Variants in JAG1 observed in about 807,000 individuals in gnomAD.
JAG1 encodes protein jagged-1.
In JAG1, 23 loss-of-function variants were observed where a neutral mutation model predicts 148.7. The observed-to-expected ratio is 0.15, with a 90% CI of 0.11 to 0.22. JAG1 has a LOEUF of 0.22. Ranked by LOEUF, JAG1 falls within the 10% of genes least tolerant of loss-of-function variation. The pLI, the probability that JAG1 is intolerant of heterozygous loss-of-function variation, is 1.00. For missense variants in JAG1, 1,054 were observed against 1,611.2 expected (o/e 0.65, Z 5.92); for synonymous variants, 572 against 598.3 (o/e 0.96, Z 0.64).
rs905458683 is a variant in JAG1 at position 10,638,771 on chromosome 20, C to A, written c.*727G>T. ...AAGAGTTCAAAAAAATAAAGCCATA[C>A]GCTTACAATGCTATCAAAAACCTTC... On this transcript the variant is annotated 3_prime_UTR_variant, in exon 26 of 26. Coordinates refer to ENST00000254958, the MANE Select transcript of JAG1 (RefSeq NM_000214.3). The A allele has an allele frequency of 6.6e-6, 1 of 152,538 alleles. No homozygotes were observed. Among genetic ancestry groups the A allele is most frequent in the Non-Finnish European group, 1.5e-5 (1 of 68,024 alleles). 9.4% of individuals were successfully genotyped at this position (152,538 alleles called of 1,614,324 possible).
rs542464130 is a variant in JAG1 at position 10,653,844 on chromosome 20, G to A, written c.756-1246C>T. Among the ~76,000 whole-genome samples the A allele has an allele frequency of 1.6e-3, 238 of 152,208 alleles. 3 individuals are homozygous for A. Among genetic ancestry groups the A allele is most frequent in the African/African-American group, 5.6e-3 (231 of 41,524 alleles). On this transcript the variant is annotated intron_variant, in intron 5 of 25. Transcript: ENST00000254958. ...GGCTGAGAGTCAACTTAACCCCTGAGAATACTGACTAACCACTTCCTAACT... is the reference window on the plus strand; with the variant it reads ...GGCTGAGAGTCAACTTAACCCCTGAAAATACTGACTAACCACTTCCTAACT...
intron 5 of JAG1, among the ~76,000 whole-genome samples, chr20:10,654,381 CTCA>C (rs1455125404): frequency 6.6e-6 from 1 of 152,188 alleles, no homozygotes. Flanking sequence ...GATTAAGATT[CTCA>C]TGAGAAATTG....
Position 10,648,753 on chromosome 20 carries a change from A to G in JAG1, c.1396-31T>C, listed in dbSNP as rs532736459. ...AGAGGAGAAGGGGAGAGAGAGACAC[A>G]TGCTTTTTTTCTATGTATTCCACAA... On this transcript the variant is annotated intron_variant, in intron 11 of 25. Coordinates refer to ENST00000254958, the MANE Select transcript of JAG1 (RefSeq NM_000214.3). 1.0e-5 allele frequency: 16 copies of G among 1,606,144 alleles called. No homozygotes were observed. In the South Asian group the frequency reaches 1.8e-4, roughly 18 times the overall value.
intron 4 of JAG1, among the ~76,000 whole-genome samples, chr20:10,657,896 G>C (rs1465903729): frequency 6.6e-6 from 1 of 152,212 alleles, no homozygotes; most frequent in Non-Finnish European, 1.5e-5. Flanking sequence ...CTATAGGATA[G>C]CCTGTTCAGA....
At chr20:10,656,859 G>A (rs1270515940) in intron 4 of JAG1, among the ~76,000 whole-genome samples, 1 of 136,420 alleles carries the variant, frequency 7.3e-6, no homozygotes, top group Non-Finnish European at 1.5e-5. Flanking sequence ...ACATTCAGAT[G>A]AGCCTCAGCC....
Position 10,673,585 on chromosome 20 carries a change from T to G in JAG1, c.-55A>C. Reference sequence around the variant, plus strand: ...ACGCCGCCGCTGCTGTTCGCGCTGGTGCTGCCGCCGGTGCTGCCGTCGCCG... The same window carrying G: ...ACGCCGCCGCTGCTGTTCGCGCTGGGGCTGCCGCCGGTGCTGCCGTCGCCG... On this transcript the variant is annotated 5_prime_UTR_variant, in exon 1 of 26. Transcript: ENST00000254958. This position sits in a 1 kb window ranked among gnomAD's most constrained non-coding sequence, Gnocchi z 4.7. The G allele has an allele frequency of 9.4e-7, 1 of 1,063,554 alleles. No individual in the cohort carries two copies. The highest frequency in any genetic ancestry group is 1.2e-6 in the Non-Finnish European group (1 of 835,174). The allele number at this position is 1,063,554 out of a possible 1,614,324, so 65.9% of individuals were successfully genotyped here. A position where few individuals can be genotyped will look rare whatever the true frequency, so the allele number is the denominator to read the frequency against.
intron 2 of JAG1, 88 bp from the exon 3 acceptor site, chr20:10,664,102 C>T (rs1053302385): frequency 2.0e-6 from 2 of 989,200 alleles, no homozygotes; most frequent in African/African-American, 3.2e-5. Flanking sequence ...GAATACCCCA[C>T]CAAACAAAAC....
Position 10,648,127 on chromosome 20 carries a change from C to A in JAG1, c.1570-17G>T, listed in dbSNP as rs747037176. On this transcript the variant is annotated splice_polypyrimidine_tract_variant and intron_variant, in intron 12 of 25. Coordinates refer to ENST00000254958, the MANE Select transcript of JAG1 (RefSeq NM_000214.3). ...GATGTCCAGCTGCAAATATCAGGAA[C>A]AGCGAAAAGGGGGAGGGATCAGAGT... The A allele has an allele frequency of 5.6e-6, 9 of 1,614,010 alleles. No individual in the cohort carries two copies. The Admixed American group carries it at 1.3e-4, about 24-fold the overall frequency.
intron 14 of JAG1, among the ~76,000 whole-genome samples, chr20:10,646,623 A>G (rs1318052382): frequency 6.6e-6 from 1 of 151,914 alleles, no homozygotes; most frequent in African/African-American, 2.4e-5. Flanking sequence ...GACCAGCCTG[A>G]CCAACATGGG....
In JAG1 at chr20:10,656,431, T is replaced by C. The variant is rs1405610551; in HGVS notation, c.722A>G (p.Lys241Arg). Reference protein sequence around the residue: ...RAICRQGCSPKHGSCKLPGDC... With the variant: ...RAICRQGCSPRHGSCKLPGDC... ...ACCTGGGAGTTTGCAAGACCCATGC[T>C]TAGGACTGCAGCCTTGTCGGCAAAT... Residue 241 changes from lysine to arginine, a missense_variant, in exon 5 of 26, where the codon AAG becomes AGG. Around this residue, in one of 6 missense-constraint regions of JAG1, gnomAD observed 104 missense variants for 235.2 expected, o/e 0.44. Transcript: ENST00000254958. 2 of 1,613,946 alleles carry C rather than the reference T, an allele frequency of 1.2e-6. No homozygotes were observed. The highest frequency in any genetic ancestry group is 1.7e-6 in the Non-Finnish European group (2 of 1,179,924).
intron 4 of JAG1, 107 bp from the exon 5 acceptor site, chr20:10,656,565 C>G (rs1043090850): frequency 1.1e-6 from 1 of 887,724 alleles, no homozygotes; most frequent in Non-Finnish European, 1.8e-6. Flanking sequence ...ACGATTTTAA[C>G]AGGTCTCATA....
intron 10 of JAG1, 136 bp from the exon 11 acceptor site, chr20:10,649,243 A>T: frequency 1.4e-6 from 1 of 704,168 alleles, no homozygotes; most frequent in Non-Finnish European, 2.5e-6. Context: ...TAAGGTTATT[A>T]CGCTGGGTGG....
At chr20:10,668,069 A>G (rs958045588) in intron 2 of JAG1, among the ~76,000 whole-genome samples, 3 of 146,534 alleles carry the variant, frequency 2.0e-5, no homozygotes, top group Non-Finnish European at 4.5e-5. Context: ...GCACTGCACC[A>G]ATGGTAGATG....
At chr20:10,644,536 C>T (rs2067294880) in intron 18 of JAG1, 152 bp from the exon 19 acceptor site, 3 of 712,700 alleles carry the variant, frequency 4.2e-6, no homozygotes, top group Non-Finnish European at 7.7e-6. Flanking sequence ...ACCAGGCCCG[C>T]ACCACACTTA....
At chr20:10,646,201 C>T (rs987297685) in intron 14 of JAG1, 117 bp from the exon 15 acceptor site, 6 of 737,830 alleles carry the variant, frequency 8.1e-6, no homozygotes, top group Admixed American at 5.9e-5. Context: ...CCTCCACCTG[C>T]TACCCTCCAT....
At chr20:10,648,136 G>A (rs760159502) in intron 12 of JAG1, 26 bp from the exon 13 acceptor site, 18 of 1,613,958 alleles carry the variant, frequency 1.1e-5, no homozygotes, top group Admixed American at 1.7e-5. Flanking sequence ...ACAGCGAAAA[G>A]GGGGAGGGAT....
At chr20:10,648,157 C>T in intron 12 of JAG1, 47 bp from the exon 13 acceptor site, 1 of 1,612,004 alleles carries the variant, frequency 6.2e-7, no homozygotes, top group Non-Finnish European at 8.5e-7. Context: ...CAGAGTAAAA[C>T]AAAGGTGTCA....
intron 8 of JAG1, 185 bp downstream of exon 8, chr20:10,651,396 G>GA: frequency 1.7e-6 from 1 of 588,018 alleles, no homozygotes; most frequent in Non-Finnish European, 3.1e-6. Context: ...ACCTTAGTGG[G>GA]ACAGGATGGG....
At chr20:10,659,729 G>C (rs893706027) in intron 3 of JAG1, among the ~76,000 whole-genome samples, 4 of 142,820 alleles carry the variant, frequency 2.8e-5, no homozygotes, top group Admixed American at 6.8e-5. Flanking sequence ...ATTGAGGGGA[G>C]GGTTTCTTTT....
Sources: allele counts gnomAD v4.1 joint callset (sites outside exome capture counted in the v4.1 genomes callset), GRCh38; gene constraint gnomAD v4.1.1; regional missense constraint gnomAD v4.1.1; non-coding constraint Gnocchi (gnomAD v3.1); transcripts MANE v1.5; gene names NCBI Gene and HGNC (gene_info 2026-07-23, HGNC 2026-07-21).